TMEM114: variants seen among roughly 807,000 people sequenced by gnomAD.
TMEM114 encodes claudin-26.
TMEM114 carries 6 observed loss-of-function variants against 6.2 expected under a neutral mutation model. The observed-to-expected ratio is 0.97, with a 90% CI of 0.53 to 1.91. The LOEUF (loss-of-function observed/expected upper bound fraction) is 1.91. TMEM114 is among the 40% of genes most tolerant of loss of function. The pLI, the probability that TMEM114 is intolerant of heterozygous loss-of-function variation, is 0.01. For synonymous variants in TMEM114, 104 were observed against 73.0 expected, an observed-to-expected ratio of 1.42 and a Z score of -2.16; for missense variants, 218 against 158.3, an observed-to-expected ratio of 1.38 and a Z score of -2.02.
intron 2 of TMEM114, among the ~76,000 whole-genome samples, chr16:8,558,043 C>G (rs1192446121): frequency 6.6e-6 from 1 of 152,058 alleles, no homozygotes; most frequent in Non-Finnish European, 1.5e-5. Context: ...CACCTGATGT[C>G]AGGAGCTCGA....
intron 2 of TMEM114, among the ~76,000 whole-genome samples, chr16:8,586,519 G>C (rs1220062773): frequency 6.9e-6 from 1 of 145,292 alleles, no homozygotes; most frequent in Non-Finnish European, 1.5e-5. Context: ...CTTTTTTTTT[G>C]TTTTTTTTTT....
chr16:8,538,469 C>A (rs775674663), intron 2 of TMEM114, among the ~76,000 whole-genome samples: 3 of 151,612 alleles, frequency 2.0e-5, no homozygotes, highest in Non-Finnish European at 4.4e-5. Context: ...TGAACCTAGA[C>A]AAAGAATGTG....
At chr16:8,585,627 G>A (rs756236808) in intron 2 of TMEM114, among the ~76,000 whole-genome samples, 102 of 148,338 alleles carry the variant, frequency 6.9e-4, no homozygotes, top group Admixed American at 1.0e-3. Flanking sequence ...GACATTATGC[G>A]GAGAAAAAAA....
the TMEM114 span, among the ~76,000 whole-genome samples, chr16:8,528,339 C>G: frequency 5.9e-5 from 9 of 152,156 alleles, no homozygotes; most frequent in Non-Finnish European, 1.0e-4. Flanking sequence ...TCACCCCACT[C>G]TCCCATTCTG....
At chr16:8,528,819 G>A in the TMEM114 span, among the ~76,000 whole-genome samples, 92 of 152,360 alleles carry the variant, frequency 6.0e-4, no homozygotes, top group East Asian at 9.6e-3. Context: ...CACGCGCTCT[G>A]TGTGTGCTTC....
At chr16:8,587,566 A>T (rs1262860314) in intron 2 of TMEM114, among the ~76,000 whole-genome samples, 2 of 152,380 alleles carry the variant, frequency 1.3e-5, no homozygotes, top group African/African-American at 4.8e-5. Context: ...ATGTTCCAAG[A>T]ACTGGCCAAG....
downstream of TMEM114, among the ~76,000 whole-genome samples, chr16:8,568,596 G>A (rs751642829): frequency 4.6e-5 from 7 of 152,172 alleles, no homozygotes; most frequent in Non-Finnish European, 8.8e-5. Flanking sequence ...TGATGAAGAC[G>A]ATGATGCCAT....
chr16:8,551,083 T>C (rs1383374336), intron 2 of TMEM114, among the ~76,000 whole-genome samples: 1 of 152,240 alleles, frequency 6.6e-6, no homozygotes, highest in African/African-American at 2.4e-5. Flanking sequence ...TCTACTGAGC[T>C]ATGGGTCTCC....
At chr16:8,547,140 G>T (rs1170428439) in intron 2 of TMEM114, among the ~76,000 whole-genome samples, 1 of 152,082 alleles carries the variant, frequency 6.6e-6, no homozygotes, top group Non-Finnish European at 1.5e-5. Context: ...CAGCAAATAC[G>T]GCTGGGGGAA....
downstream of TMEM114, among the ~76,000 whole-genome samples, chr16:8,567,056 A>G (rs1319075180): frequency 4.1e-5 from 5 of 123,208 alleles, no homozygotes; most frequent in East Asian, 1.1e-3. Context: ...GCGTGTTACC[A>G]CAGCTGGCTA....
chr16:8,542,012 C>T (rs1190326319), intron 2 of TMEM114, among the ~76,000 whole-genome samples: 1 of 152,164 alleles, frequency 6.6e-6, no homozygotes, highest in African/African-American at 2.4e-5. Flanking sequence ...GCAGCTTTCA[C>T]CAGGACAGCA....
chr16:8,568,613 G>A (rs371734264), downstream of TMEM114, among the ~76,000 whole-genome samples: 130 of 152,328 alleles, frequency 8.5e-4, no homozygotes, highest in African/African-American at 2.8e-3. Context: ...CCATATTGTT[G>A]ATAATCGTGT....
At chr16:8,562,054 G>A (rs1318749149) in intron 2 of TMEM114, among the ~76,000 whole-genome samples, 1 of 151,812 alleles carries the variant, frequency 6.6e-6, no homozygotes, top group African/African-American at 2.4e-5. Flanking sequence ...GTGAGTGAGT[G>A]AATGAGTGAG....
At chr16:8,563,723 G>C (rs148317295) in intron 2 of TMEM114, among the ~76,000 whole-genome samples, 5,542 of 150,182 alleles carry the variant, frequency 0.037, 219 homozygotes, top group South Asian at 0.1. Context: ...GTGAGTGAAT[G>C]AGTCAGTGAG....
At chr16:8,559,628 T>G (rs2141667422) in intron 2 of TMEM114, among the ~76,000 whole-genome samples, 1 of 152,350 alleles carries the variant, frequency 6.6e-6, no homozygotes, top group South Asian at 2.1e-4. Context: ...TTGTGGGCTC[T>G]GAGTACTCTG....
chr16:8,545,079 C>A (rs2141652812), intron 2 of TMEM114, among the ~76,000 whole-genome samples: 1 of 152,224 alleles, frequency 6.6e-6, no homozygotes, highest in Admixed American at 6.5e-5. Context: ...TTTCATCAGG[C>A]CTATATTGCA....
chr16:8,558,836 G>A (rs1901102360), intron 2 of TMEM114, among the ~76,000 whole-genome samples: 1 of 151,594 alleles, frequency 6.6e-6, no homozygotes, highest in African/African-American at 2.4e-5. Context: ...TGCCTCCTGG[G>A]TTCAAGCAAT....
At chr16:8,568,752 C>T (rs925451487), downstream of TMEM114, among the ~76,000 whole-genome samples, 2 of 152,190 alleles carry the variant, frequency 1.3e-5, no homozygotes, top group African/African-American at 2.4e-5. Context: ...GAATCTCAGC[C>T]ATGGTTTTGG....
At chr16:8,537,908 G>T (rs540081150) in intron 2 of TMEM114, 1 of 152,186 alleles carries the variant, frequency 6.6e-6, no homozygotes, top group South Asian at 2.1e-4. Flanking sequence ...GGCAAGGTTA[G>T]AACACTGTTT....
Sources: gnomAD v4.1 joint callset for allele counts (sites outside exome capture counted in the v4.1 genomes callset) on GRCh38, gnomAD v4.1.1 for gene constraint, MANE v1.5 for transcripts, NCBI Gene and HGNC (gene_info 2026-07-23, HGNC 2026-07-21) for gene names.